Variants in C9orf78 observed in about 807,000 individuals in gnomAD.
The protein encoded by C9orf78 is splicing factor C9orf78.
In C9orf78, 19 loss-of-function variants were observed where a neutral mutation model predicts 37.4. The observed-to-expected ratio is 0.51, with a 90% CI of 0.35 to 0.74. C9orf78 has a LOEUF of 0.74. C9orf78 is among the 30% of genes least tolerant of loss of function. C9orf78 has a pLI of 0.01. For missense variants in C9orf78, 291 were observed against 370.8 expected, an observed-to-expected ratio of 0.78 and a Z score of 1.77; for synonymous variants, 130 against 128.0, an observed-to-expected ratio of 1.02 and a Z score of -0.10.
chr9:129,833,595 A>T, intron 3 of C9orf78, 63 bp downstream of exon 3: 1 of 1,446,820 alleles, frequency 6.9e-7, no homozygotes, highest in Non-Finnish European at 9.7e-7. Flanking sequence ...AAGCACGCTC[A>T]CTCACTGAAG....
In C9orf78 at chr9:129,828,147, C is replaced by T; in HGVS notation, c.*14G>A. The T allele has an allele frequency of 6.9e-7, 1 of 1,451,536 alleles. No homozygotes were observed. Among genetic ancestry groups the T allele is most frequent in the Non-Finnish European group, 9.7e-7 (1 of 1,034,148 alleles). The allele number at this position is 1,451,536 out of a possible 1,614,324, so 89.9% of individuals were successfully genotyped here. ...GGGAGAGGAAGGCGATATTTACATC[C>T]CACTCTGCACAACTCAGTACCGCCT... is the stretch of plus-strand genomic sequence containing the variant. On this transcript the variant is annotated 3_prime_UTR_variant, in exon 9 of 9. Transcript: ENST00000372447.
intron 6 of C9orf78, 86 bp from the exon 7 acceptor site, chr9:129,829,627 T>G: frequency 8.3e-7 from 1 of 1,207,824 alleles, no homozygotes; most frequent in Non-Finnish European, 1.2e-6. Context: ...AGCCCAGCAG[T>G]ACATAAGAAA....
chr9:129,834,828 T>C, intron 1 of C9orf78, 62 bp from the exon 2 acceptor site: 4 of 1,342,262 alleles, frequency 3.0e-6, no homozygotes, highest in Non-Finnish European at 4.3e-6. Flanking sequence ...AATCCAAAGC[T>C]AACAGAGCCA....
chr9:129,835,236 A>C lies in C9orf78; in HGVS notation c.-15T>G. On this transcript the variant is annotated 5_prime_UTR_variant, in exon 1 of 9. Coordinates refer to ENST00000372447, the MANE Select transcript of C9orf78 (RefSeq NM_016520.3). The stretch of plus-strand genomic sequence containing the variant: ...ACGACCGGCATGGTGACAACGGCCG[A>C]GTTGTACAGCCGCCGCGCCTCTGCG... 1 of 1,592,658 alleles carries C rather than the reference A, an allele frequency of 6.3e-7. No homozygotes were observed. Among genetic ancestry groups the C allele is most frequent in the Non-Finnish European group, 8.6e-7 (1 of 1,167,698 alleles).
chr9:129,833,101 A>ATT (rs2031552881), intron 4 of C9orf78, among the ~76,000 whole-genome samples: 1 of 124,338 alleles, frequency 8.0e-6, no homozygotes. Flanking sequence ...ATACATACAC[A>ATT]CTTTTTTTTT....
chr9:129,830,954 G>A lies in C9orf78; in HGVS notation c.459C>T (p.Ile153=). Residue 153 remains isoleucine (I), a synonymous_variant, in exon 6 of 9, where the codon ATC becomes ATT. Coordinates refer to ENST00000372447, the MANE Select transcript of C9orf78 (RefSeq NM_016520.3). ...CGGTCTTCTTTGCTGAGGAAACACG[G>A]ATGTTTTCTGGAAGTTCATAAAGAC... ...EDCLYELPEN[I]RVSSAKKTEE... 6.2e-7 allele frequency: 1 copy of A among 1,613,364 alleles called. No homozygotes were observed. Among genetic ancestry groups the A allele is most frequent in the Non-Finnish European group, 8.5e-7 (1 of 1,179,302 alleles).
chr9:129,834,821 C>CA, intron 1 of C9orf78, 55 bp from the exon 2 acceptor site: 1 of 1,389,956 alleles, frequency 7.2e-7, no homozygotes, highest in Non-Finnish European at 1.0e-6. Flanking sequence ...CCCGCGGAAT[C>CA]CAAAGCTAAC....
intron 8 of C9orf78, 32 bp from the exon 9 acceptor site, chr9:129,828,284 G>A (rs768288732): frequency 6.7e-5 from 90 of 1,345,198 alleles, no homozygotes; most frequent in Non-Finnish European, 8.9e-5. Flanking sequence ...AAGGTGGTTT[G>A]CCATGCTGGA....
chr9:129,828,855 C>T, intron 8 of C9orf78: 1 of 379,846 alleles, frequency 2.6e-6, no homozygotes, highest in Non-Finnish European at 5.0e-6. Context: ...CCCAGCTTCC[C>T]CAGCAGCTGA....
At chr9:129,835,067 G>A in intron 1 of C9orf78, 72 bp downstream of exon 1, 1 of 1,202,306 alleles carries the variant, frequency 8.3e-7, no homozygotes, top group Non-Finnish European at 1.2e-6. Context: ...TCAGCGAAGC[G>A]CCGAGCCGGT....
chr9:129,833,484 C>T lies in C9orf78; in HGVS notation c.229G>A (p.Val77Met). ...DPFQMKTGGM[V>M]DMKKLKERGK... ...CTTTCCTTCAGTTTCTTCATATCCA[C>T]CATACCACCTGTCTTCATCTGAAAG... Residue 77 changes from valine to methionine, a missense_variant, in exon 4 of 9, where the codon GTG becomes ATG. Around this residue, in one of 3 missense-constraint regions of C9orf78, gnomAD observed 158 missense variants for 174.8 expected, o/e 0.90. Coordinates refer to ENST00000372447, the MANE Select transcript of C9orf78 (RefSeq NM_016520.3). 3 of 1,606,382 alleles carry T rather than the reference C, an allele frequency of 1.9e-6. No homozygotes were observed. The highest frequency in any genetic ancestry group is 2.6e-6 in the Non-Finnish European group (3 of 1,172,918).
At chr9:129,828,978 T>G in intron 8 of C9orf78, 1 of 622,216 alleles carries the variant, frequency 1.6e-6, no homozygotes. Flanking sequence ...TATGAGAGAG[T>G]ATGAATTCTC....
chr9:129,831,004 C>T lies in C9orf78; in HGVS notation c.409G>A (p.Val137Ile). ...KGIVEHEEQK[V>I]KPKNAEDCLY... ...CAGTCCTCTGCATTCTTTGGCTTAA[C>T]TTTCTGTTCCTCATGTTCCACGATC... Residue 137 changes from valine to isoleucine, a missense_variant, in exon 6 of 9, where the codon GTT becomes ATT. Val to Ile is a conservative substitution (Grantham distance 29). Transcript: ENST00000372447. The T allele has an allele frequency of 1.2e-6, 2 of 1,613,628 alleles. No individual in the cohort carries two copies. The highest frequency in any genetic ancestry group is 1.7e-6 in the Non-Finnish European group (2 of 1,179,512).
rs2031379037 is a variant in C9orf78 at position 129,827,807 on chromosome 9, T to TG, written c.*353dup. The TG allele has an allele frequency of 7.1e-6, 1 of 141,812 alleles. No homozygotes were observed. The highest frequency in any genetic ancestry group is 7.1e-5 in the Admixed American group (1 of 14,020). The allele number at this position is 141,812 out of a possible 1,614,324, so 8.8% of individuals were successfully genotyped here. On this transcript the variant is annotated 3_prime_UTR_variant, in exon 9 of 9. Coordinates refer to ENST00000372447, the MANE Select transcript of C9orf78 (RefSeq NM_016520.3). ...TCTTTTTTTTTTTTTTTTTTTTTTT[T>TG]GAGACAGAGTTTTTTGCTCGTTGCC...
chr9:129,828,272 G>A lies in C9orf78; in HGVS notation c.779-20C>T, dbSNP rs775228406. ...GGGACCCTGAGAAGGAAAAGAACAG[G>A]AAAGGTGGTTTGCCATGCTGGAACC... On this transcript the variant is annotated intron_variant, in intron 8 of 8. Coordinates refer to ENST00000372447, the MANE Select transcript of C9orf78 (RefSeq NM_016520.3). 5.4e-6 allele frequency: 8 copies of A among 1,488,858 alleles called. No individual in the cohort carries two copies. The highest frequency in any genetic ancestry group is 2.3e-5 in the South Asian group (2 of 88,602). 92.2% of individuals were successfully genotyped at this position (1,488,858 alleles called of 1,614,324 possible).
chr9:129,832,106 C>G (rs1352815210), intron 4 of C9orf78, 133 bp from the exon 5 acceptor site: 3 of 605,304 alleles, frequency 5.0e-6, no homozygotes, highest in Non-Finnish European at 8.9e-6. Flanking sequence ...AAAAAAAATG[C>G]CGTAGTATAT....
intron 5 of C9orf78, chr9:129,831,549 C>T (rs2031496632): frequency 2.5e-5 from 6 of 244,666 alleles, no homozygotes; most frequent in Non-Finnish European, 4.8e-5. Context: ...CTCAGCCTCC[C>T]GAGTAGCTGG....
Position 129,832,391 on chromosome 9 carries a change from A to C in C9orf78, c.267-418T>G, listed in dbSNP as rs1223412831. Among the ~76,000 whole-genome samples, 46 of 152,224 alleles carry C rather than the reference A, an allele frequency of 3.0e-4. 1 individual carries two copies. Among genetic ancestry groups the C allele is most frequent in the Admixed American group, 3.0e-3 (46 of 15,278 alleles). ...GTAAATGCTATATAGTTGTCACAAA[A>C]GTACACAGTAAACTTTTATTTTTTT... On this transcript the variant is annotated intron_variant, in intron 4 of 8. Coordinates refer to ENST00000372447, the MANE Select transcript of C9orf78 (RefSeq NM_016520.3).
At position 129,831,920 on chromosome 9, in the gene C9orf78, T is replaced by G; in HGVS notation, c.320A>C (p.Asn107Thr). Residue 107 changes from asparagine to threonine, a missense_variant, in exon 5 of 9, where the codon AAC becomes ACC. Around this residue, in one of 3 missense-constraint regions of C9orf78, gnomAD observed 158 missense variants for 174.8 expected, o/e 0.90. Transcript: ENST00000372447. Reference protein sequence around the residue: ...HLGTSFSAETNRRDEDADMMK... With the variant: ...HLGTSFSAETTRRDEDADMMK... ...CATGTCTGCATCCTCATCCCTTCGG[T>G]TGGTTTCTGCAGAAAACGATGTCCC... 1 of 1,591,268 alleles carries G rather than the reference T, an allele frequency of 6.3e-7. No individual in the cohort carries two copies. Among genetic ancestry groups the G allele is most frequent in the Non-Finnish European group, 8.6e-7 (1 of 1,159,316 alleles).
Sources: allele counts gnomAD v4.1 joint callset (sites outside exome capture counted in the v4.1 genomes callset), GRCh38; gene constraint gnomAD v4.1.1; regional missense constraint gnomAD v4.1.1; transcripts MANE v1.5; gene names NCBI Gene and HGNC (gene_info 2026-07-23, HGNC 2026-07-21).